Variants in WDR41 observed in about 807,000 individuals in gnomAD.
The protein encoded by WDR41 is WD repeat domain 41.
A neutral mutation model predicts 69.3 loss-of-function variants in WDR41; 63 were observed. The ratio of observed to expected loss-of-function variants is 0.91; its 90% CI spans 0.74 to 1.12. The LOEUF (loss-of-function observed/expected upper bound fraction) is 1.12. WDR41 is among the 50% of genes most tolerant of loss of function. The probability of loss-of-function intolerance (pLI) is 0.00; values close to 1 mark genes in which losing one functional copy is unlikely to be tolerated. For missense variants in WDR41, 543 were observed against 534.5 expected (o/e 1.02, Z -0.16); for synonymous variants, 185 against 192.1 (o/e 0.96, Z 0.31).
chr5:77,588,149 G>A (rs1744073781), intron 1 of WDR41, among the ~76,000 whole-genome samples: 1 of 152,070 alleles, frequency 6.6e-6, no homozygotes, highest in Admixed American at 6.5e-5. Flanking sequence ...CCTTATTGAT[G>A]GTTAGTAGTT....
chr5:77,547,460 C>A (rs537843243), intron 1 of WDR41, among the ~76,000 whole-genome samples: 78 of 151,778 alleles, frequency 5.1e-4, no homozygotes, highest in African/African-American at 1.8e-3. Context: ...ATCAGTAGCT[C>A]TTCTATACAC....
chr5:77,514,723 C>A (rs1361244965), intron 1 of WDR41, among the ~76,000 whole-genome samples: 1 of 152,152 alleles, frequency 6.6e-6, no homozygotes, highest in African/African-American at 2.4e-5. Context: ...ATGGTATAGT[C>A]TACTACACAC....
intron 1 of WDR41, among the ~76,000 whole-genome samples, chr5:77,498,640 G>A (rs959031130): frequency 1.3e-5 from 2 of 151,862 alleles, no homozygotes; most frequent in East Asian, 1.9e-4. Flanking sequence ...GCAACATAGC[G>A]AGACCTCATA....
chr5:77,462,129 G>T (rs923556936), intron 4 of WDR41, among the ~76,000 whole-genome samples: 2 of 151,898 alleles, frequency 1.3e-5, no homozygotes, highest in Non-Finnish European at 2.9e-5. Context: ...TAAAAATAAG[G>T]CCGGGCGCAG....
intron 2 of WDR41, among the ~76,000 whole-genome samples, chr5:77,472,944 A>C (rs1468743775): frequency 6.6e-6 from 1 of 152,188 alleles, no homozygotes; most frequent in African/African-American, 2.4e-5. Context: ...TGGAACCAAA[A>C]AACAGCCCGC....
chr5:77,502,063 A>C (rs1374013019), intron 1 of WDR41, among the ~76,000 whole-genome samples: 1 of 152,278 alleles, frequency 6.6e-6, no homozygotes, highest in Middle Eastern at 3.4e-3. Context: ...TGGTAATAAC[A>C]AACTCCTCTG....
At chr5:77,593,806 G>T (rs1744172607) in intron 1 of WDR41, among the ~76,000 whole-genome samples, 1 of 151,992 alleles carries the variant, frequency 6.6e-6, no homozygotes, top group South Asian at 2.1e-4. Context: ...TTTCACCCAT[G>T]GTCTCTCTTT....
chr5:77,565,564 A>G (rs1051807328), intron 1 of WDR41, among the ~76,000 whole-genome samples: 2 of 152,182 alleles, frequency 1.3e-5, no homozygotes, highest in Admixed American at 6.5e-5. Flanking sequence ...TGAATGACAT[A>G]TTAAAGAGAA....
At position 77,490,765 on chromosome 5, in the gene WDR41, T is replaced by C. The variant is rs536299676; in HGVS notation, c.52-1193A>G. Among the ~76,000 whole-genome samples the C allele has an allele frequency of 6.6e-5, 10 of 152,258 alleles. No individual in the cohort carries two copies. The South Asian group carries it at 2.1e-3, about 32-fold the overall frequency. On this transcript the variant is annotated intron_variant, in intron 1 of 12. Coordinates refer to ENST00000296679, the MANE Select transcript of WDR41 (RefSeq NM_018268.4). ...TAACATGATTAACCAAAGAACCAGG[T>C]TAAAACAGAATTATCCAAAATGTCG...
At chr5:77,561,100 A>G (rs534602913) in intron 1 of WDR41, among the ~76,000 whole-genome samples, 5 of 152,154 alleles carry the variant, frequency 3.3e-5, no homozygotes, top group African/African-American at 9.7e-5. Flanking sequence ...GTTTTGTTGA[A>G]TATCATTCAC....
chr5:77,552,748 T>G (rs1326224773), intron 1 of WDR41, among the ~76,000 whole-genome samples: 1 of 152,150 alleles, frequency 6.6e-6, no homozygotes, highest in Non-Finnish European at 1.5e-5. Flanking sequence ...TCACACAGTC[T>G]GCCACACTGA....
chr5:77,618,793 G>A (rs1744725377), intron 1 of WDR41, among the ~76,000 whole-genome samples: 1 of 152,230 alleles, frequency 6.6e-6, no homozygotes, highest in Admixed American at 6.5e-5. Flanking sequence ...GTGAGGACCT[G>A]TCAAGCAATA....
intron 2 of WDR41, among the ~76,000 whole-genome samples, chr5:77,474,848 G>T (rs1800825608): frequency 6.6e-6 from 1 of 152,178 alleles, no homozygotes; most frequent in Admixed American, 6.5e-5. Context: ...CCGGTCTACA[G>T]CTCCCAGCGT....
chr5:77,487,196 AT>A (rs1238040890), intron 2 of WDR41, among the ~76,000 whole-genome samples: 1 of 152,222 alleles, frequency 6.6e-6, no homozygotes. Context: ...TGTATTTATT[AT>A]TTAACTTTCC....
At chr5:77,575,637 G>A (rs1743817061) in intron 1 of WDR41, among the ~76,000 whole-genome samples, 3 of 152,184 alleles carry the variant, frequency 2.0e-5, no homozygotes, top group African/African-American at 7.2e-5. Context: ...GATACTCAGA[G>A]AGGAGTCCGT....
At chr5:77,582,353 T>A in intron 1 of WDR41, 1 of 1,599,538 alleles carries the variant, frequency 6.3e-7, no homozygotes. Context: ...ATGCGCCAAC[T>A]TCCTCTTTTT....
intron 1 of WDR41, among the ~76,000 whole-genome samples, chr5:77,615,727 C>T (rs1365154635): frequency 1.2e-4 from 17 of 147,230 alleles, no homozygotes; most frequent in South Asian, 4.3e-4. Flanking sequence ...TGATGGCTCA[C>T]GCCTCCTGTA....
chr5:77,519,933 C>G (rs937743365), intron 1 of WDR41, among the ~76,000 whole-genome samples: 10 of 151,242 alleles, frequency 6.6e-5, no homozygotes, highest in African/African-American at 2.4e-4. Flanking sequence ...AATGTATTTT[C>G]CCAGTATGTT....
chr5:77,610,412 C>T (rs572756327), intron 1 of WDR41, among the ~76,000 whole-genome samples: 15 of 152,268 alleles, frequency 9.9e-5, no homozygotes, highest in African/African-American at 3.4e-4. Flanking sequence ...AGAGAAAGGT[C>T]GGGTTACCCA....
Sources: allele counts gnomAD v4.1 joint callset (sites outside exome capture counted in the v4.1 genomes callset), GRCh38; gene constraint gnomAD v4.1.1; transcripts MANE v1.5; gene names NCBI Gene and HGNC (gene_info 2026-07-23, HGNC 2026-07-21).